LDB2: variants seen among roughly 807,000 people sequenced by gnomAD.
The protein encoded by LDB2 is LIM domain-binding protein 2.
Under a neutral mutation model 44.3 loss-of-function variants are expected in LDB2, and 12 were observed. The observed-to-expected ratio is 0.27, with a 90% CI of 0.17 to 0.44. The LOEUF is 0.44. Ranked by LOEUF, LDB2 falls within the 20% of genes least tolerant of loss-of-function variation. The pLI, the probability that LDB2 is intolerant of heterozygous loss-of-function variation, is 1.00. For missense variants in LDB2, 344 were observed against 473.5 expected, an observed-to-expected ratio of 0.73 and a Z score of 2.54; for synonymous variants, 164 against 174.8, an observed-to-expected ratio of 0.94 and a Z score of 0.49.
rs182342062 is a variant in LDB2 at position 16,887,653 on chromosome 4, T to C, written c.132+10701A>G. Among the ~76,000 whole-genome samples the C allele has an allele frequency of 1.4e-3, 216 of 151,932 alleles. 2 individuals are homozygous for C. The highest frequency in any genetic ancestry group is 4.8e-3 in the African/African-American group (199 of 41,424). ...CACGAGTCCTAAGAAATGACCTACGTTGGGAAGAGAAGTTTAACACACCCT... is the reference window on the plus strand; with the variant it reads ...CACGAGTCCTAAGAAATGACCTACGCTGGGAAGAGAAGTTTAACACACCCT... On this transcript the variant is annotated intron_variant, in intron 1 of 7. Transcript: ENST00000304523.
At chr4:16,633,013 A>G (rs1292887017) in intron 2 of LDB2, among the ~76,000 whole-genome samples, 3 of 152,234 alleles carry the variant, frequency 2.0e-5, no homozygotes, top group Non-Finnish European at 2.9e-5. Flanking sequence ...CACTATTCAC[A>G]ATAGCAAAGA....
intron 1 of LDB2, among the ~76,000 whole-genome samples, chr4:16,783,433 A>T (rs1773729573): frequency 6.6e-6 from 1 of 152,250 alleles, no homozygotes; most frequent in African/African-American, 2.4e-5. Context: ...CTCCTCATTA[A>T]ATCACAGAAG....
chr4:16,766,464 A>ACG (rs1491123310), intron 1 of LDB2, among the ~76,000 whole-genome samples: 11 of 14,772 alleles, frequency 7.4e-4, no homozygotes, highest in African/African-American at 1.6e-3. Flanking sequence ...ATACACACAC[A>ACG]TATATGTGTG....
intron 2 of LDB2, among the ~76,000 whole-genome samples, chr4:16,697,304 A>ACACACACAC (rs1162977578): frequency 5.5e-5 from 4 of 72,978 alleles, no homozygotes; most frequent in African/African-American, 1.5e-4. Context: ...CACACACACA[A>ACACACACAC]ATTAGCCAGG....
intron 2 of LDB2, chr4:16,674,148 A>C (rs1745642981): frequency 1.1e-6 from 1 of 875,816 alleles, no homozygotes. Context: ...CATTTTACGC[A>C]TTTCCAGAAT....
chr4:16,545,607 G>A (rs1047054709), intron 5 of LDB2, among the ~76,000 whole-genome samples: 1 of 152,156 alleles, frequency 6.6e-6, no homozygotes, highest in Non-Finnish European at 1.5e-5. Context: ...GTATTCACCA[G>A]CAAAGTATTT....
chr4:16,636,958 C>T (rs542142214), intron 2 of LDB2, among the ~76,000 whole-genome samples: 2 of 152,284 alleles, frequency 1.3e-5, no homozygotes, highest in South Asian at 2.1e-4. Context: ...TCCCTGATAA[C>T]AAAAATTTTC....
intron 7 of LDB2, 94 bp from the exon 8 acceptor site, chr4:16,502,967 G>A (rs1717903456): frequency 1.9e-6 from 3 of 1,602,154 alleles, no homozygotes; most frequent in Non-Finnish European, 8.5e-7. Flanking sequence ...ATCTAGGACA[G>A]ACACACTCGT....
chr4:16,761,974 A>G (rs1176727047), intron 1 of LDB2, among the ~76,000 whole-genome samples: 2 of 152,266 alleles, frequency 1.3e-5, no homozygotes, highest in East Asian at 1.9e-4. Flanking sequence ...TGAAACCCAC[A>G]CTCTGCTAAA....
At chr4:16,756,898 TA>T (rs139204870) in intron 2 of LDB2, among the ~76,000 whole-genome samples, 44 of 143,624 alleles carry the variant, frequency 3.1e-4, no homozygotes, top group East Asian at 6.0e-4. Flanking sequence ...TAGTAAAGGC[TA>T]AAAAAAAAAC....
chr4:16,782,351 ACT>A (rs1773451203), intron 1 of LDB2, among the ~76,000 whole-genome samples: 2 of 148,276 alleles, frequency 1.3e-5, no homozygotes, highest in African/African-American at 5.0e-5. Flanking sequence ...TAAAATAAAT[ACT>A]TTTTTTTTTT....
At chr4:16,634,410 T>C (rs1732961856) in intron 2 of LDB2, among the ~76,000 whole-genome samples, 1 of 151,046 alleles carries the variant, frequency 6.6e-6, no homozygotes, top group South Asian at 2.1e-4. Flanking sequence ...AGAGGGCTAA[T>C]ATCCAGAGTC....
intron 1 of LDB2, among the ~76,000 whole-genome samples, chr4:16,795,275 T>C (rs894982743): frequency 4.6e-5 from 7 of 152,116 alleles, no homozygotes; most frequent in African/African-American, 1.4e-4. Flanking sequence ...GAGCCTGTGG[T>C]GGAGACGGCA....
intron 5 of LDB2, among the ~76,000 whole-genome samples, chr4:16,577,764 GT>G: frequency 6.6e-6 from 1 of 152,128 alleles, no homozygotes; most frequent in South Asian, 2.1e-4. Context: ...AATAGCCAAA[GT>G]TATCCTGAAC....
At chr4:16,629,482 C>T (rs1033796244) in intron 2 of LDB2, among the ~76,000 whole-genome samples, 40 of 152,194 alleles carry the variant, frequency 2.6e-4, no homozygotes, top group Middle Eastern at 3.4e-3. Context: ...GTGATACCCA[C>T]GCAAACAGGG....
rs1211025393 is a variant in LDB2, at chr4:16,734,707, T to C, written c.235+24451A>G. ...TGCTTCCCAACTTCTTGTTTTCTTT[T>C]TTTTTTTTTTTTTTTTTTGAGATGG... On this transcript the variant is annotated intron_variant, in intron 2 of 7. Coordinates refer to ENST00000304523, the MANE Select transcript of LDB2 (RefSeq NM_001290.5). Among the ~76,000 whole-genome samples the C allele has an allele frequency of 4.3e-4, 15 of 34,770 alleles. No homozygotes were observed. The South Asian group carries it at 9.1e-3, about 21-fold the overall frequency. 22.8% of individuals were successfully genotyped at this position (34,770 alleles called of 152,430 possible). A position where few individuals can be genotyped will look rare whatever the true frequency, so the allele number is the denominator to read the frequency against.
rs1010514933 is a variant in LDB2 at position 16,780,558 on chromosome 4, G to A, written c.133-21298C>T. Among the ~76,000 whole-genome samples, 4 of 152,108 alleles carry A rather than the reference G, an allele frequency of 2.6e-5. 1 individual carries two copies. The highest frequency in any genetic ancestry group is 2.0e-4 in the Admixed American group (3 of 15,264). On this transcript the variant is annotated intron_variant, in intron 1 of 7. Coordinates refer to ENST00000304523, the MANE Select transcript of LDB2 (RefSeq NM_001290.5). ...CTGTTAGATATAGGTGGCTCCACAA[G>A]GCCACCAGAGGAGGTAACATTAAGG...
chr4:16,742,666 G>A (rs1223333261), intron 2 of LDB2, among the ~76,000 whole-genome samples: 1 of 152,146 alleles, frequency 6.6e-6, no homozygotes, highest in Non-Finnish European at 1.5e-5. Context: ...GCCAGTATAT[G>A]AAAAAAGCAG....
intron 1 of LDB2, among the ~76,000 whole-genome samples, chr4:16,771,227 T>G (rs1770590052): frequency 6.6e-6 from 1 of 152,130 alleles, no homozygotes; most frequent in Non-Finnish European, 1.5e-5. Context: ...AGATTTTCTC[T>G]CTTCCTACTT....
Sources: allele counts gnomAD v4.1 joint callset (sites outside exome capture counted in the v4.1 genomes callset), GRCh38; gene constraint gnomAD v4.1.1; transcripts MANE v1.5; gene names NCBI Gene and HGNC (gene_info 2026-07-23, HGNC 2026-07-21).